Variants in CALN1 observed in about 807,000 individuals in gnomAD.
The protein encoded by CALN1 is calcium-binding protein 8.
A neutral mutation model predicts 30.6 loss-of-function variants in CALN1; 17 were observed. The ratio of observed to expected loss-of-function variants is 0.56; its 90% CI spans 0.38 to 0.83. The LOEUF is 0.83. Ranked by LOEUF, CALN1 falls within the 40% of genes least tolerant of loss-of-function variation. CALN1 has a pLI of 0.00. For missense variants in CALN1, 291 were observed against 354.9 expected (o/e 0.82, Z 1.45); for synonymous variants, 156 against 131.4 (o/e 1.19, Z -1.28).
intron 3 of CALN1, among the ~76,000 whole-genome samples, chr7:72,276,239 A>C (rs954862403): frequency 6.6e-6 from 1 of 152,176 alleles, no homozygotes; most frequent in Non-Finnish European, 1.5e-5. Context: ...GATCTACTCA[A>C]ATAAACACAA....
chr7:71,854,057 G>A (rs1376441676), intron 5 of CALN1, among the ~76,000 whole-genome samples: 2 of 152,144 alleles, frequency 1.3e-5, no homozygotes, highest in Non-Finnish European at 2.9e-5. Flanking sequence ...TTGTGTGTGT[G>A]TGTGTGTAGG....
chr7:71,954,833 T>TGG (rs1034472968), intron 5 of CALN1, among the ~76,000 whole-genome samples: 1 of 152,106 alleles, frequency 6.6e-6, no homozygotes, highest in Non-Finnish European at 1.5e-5. Flanking sequence ...GACTACTACC[T>TGG]GGGGGGTTGA....
intron 5 of CALN1, among the ~76,000 whole-genome samples, chr7:71,955,171 T>A (rs560851363): frequency 6.7e-6 from 1 of 149,988 alleles, no homozygotes; most frequent in African/African-American, 2.5e-5. Context: ...CAGGAGAGAG[T>A]GAGAACCAAG....
At chr7:71,883,507 G>C (rs1277142168) in intron 5 of CALN1, among the ~76,000 whole-genome samples, 2 of 152,102 alleles carry the variant, frequency 1.3e-5, no homozygotes, top group Non-Finnish European at 2.9e-5. Context: ...ATAATGAGCA[G>C]GAAGTAATAA....
At chr7:72,385,621 C>A (rs79912928) in intron 2 of CALN1, among the ~76,000 whole-genome samples, 10,397 of 152,162 alleles carry the variant, frequency 0.068, 636 homozygotes, top group East Asian at 0.35. Flanking sequence ...TGTCCCCACC[C>A]AATGCTCATC....
chr7:72,055,210 A>C (rs779450606), intron 4 of CALN1, among the ~76,000 whole-genome samples: 8 of 151,524 alleles, frequency 5.3e-5, no homozygotes, highest in African/African-American at 1.5e-4. Context: ...CTTATGCTCA[A>C]TTTGCATGGG....
intron 2 of CALN1, chr7:72,337,160 C>A (rs1802120051): frequency 1.0e-6 from 1 of 985,276 alleles, no homozygotes; most frequent in African/African-American, 1.7e-5. Context: ...GCCCTAGAAA[C>A]TCCATGCAGC....
intron 3 of CALN1, among the ~76,000 whole-genome samples, chr7:72,133,030 T>C (rs1859484): frequency 0.76 from 115,710 of 152,002 alleles, 44,512 homozygotes; most frequent in East Asian, 0.97. Flanking sequence ...AATCTAATGC[T>C]TGATGATCTG....
intron 2 of CALN1, among the ~76,000 whole-genome samples, chr7:72,375,056 G>T (rs558811284): frequency 6.6e-6 from 1 of 152,084 alleles, no homozygotes; most frequent in Non-Finnish European, 1.5e-5. Flanking sequence ...TGGAAAAAAA[G>T]ATTGTCTTTA....
chr7:72,397,738 A>G (rs1806068007), intron 2 of CALN1, among the ~76,000 whole-genome samples: 1 of 151,500 alleles, frequency 6.6e-6, no homozygotes, highest in Admixed American at 6.6e-5. Context: ...ACACACACAC[A>G]CACACACACA....
At chr7:71,842,903 A>C (rs924521470) in intron 5 of CALN1, among the ~76,000 whole-genome samples, 2 of 152,178 alleles carry the variant, frequency 1.3e-5, no homozygotes, top group African/African-American at 4.8e-5. Context: ...TTTTATCCTA[A>C]CAATACTCTA....
chr7:72,091,584 G>A (rs1805865981), intron 4 of CALN1, among the ~76,000 whole-genome samples: 1 of 152,136 alleles, frequency 6.6e-6, no homozygotes, highest in Non-Finnish European at 1.5e-5. Context: ...ATAATTAAGG[G>A]AAATGAGGAA....
At chr7:71,881,254 G>A (rs1054497209) in intron 5 of CALN1, among the ~76,000 whole-genome samples, 1 of 151,856 alleles carries the variant, frequency 6.6e-6, no homozygotes, top group Non-Finnish European at 1.5e-5. Flanking sequence ...GAGGTTTTGG[G>A]ACTGGGACTG....
At chr7:72,054,605 T>C (rs979854665) in intron 4 of CALN1, among the ~76,000 whole-genome samples, 2 of 150,080 alleles carry the variant, frequency 1.3e-5, no homozygotes, top group African/African-American at 4.9e-5. Flanking sequence ...ATCATGTCTT[T>C]TGCAGGAACA....
At chr7:72,220,887 GTTGT>G (rs1192190578) in intron 3 of CALN1, among the ~76,000 whole-genome samples, 26 of 152,254 alleles carry the variant, frequency 1.7e-4, no homozygotes, top group Admixed American at 3.9e-4. Flanking sequence ...TTTTGATGGG[GTTGT>G]TTGTTTTTTT....
At chr7:72,494,206 G>T in the CALN1 span, among the ~76,000 whole-genome samples, 2 of 152,092 alleles carry the variant, frequency 1.3e-5, no homozygotes, top group Non-Finnish European at 2.9e-5. Context: ...TCTGAGCCCC[G>T]TGGAACTTGG....
intron 5 of CALN1, among the ~76,000 whole-genome samples, chr7:71,971,553 T>C (rs1304296694): frequency 2.0e-5 from 3 of 152,232 alleles, no homozygotes; most frequent in African/African-American, 4.8e-5. Flanking sequence ...TCTCATTTGA[T>C]TGTCACATCT....
chr7:72,399,711 G>A (rs1806211376), intron 2 of CALN1, among the ~76,000 whole-genome samples: 2 of 152,130 alleles, frequency 1.3e-5, no homozygotes, highest in African/African-American at 2.4e-5. Context: ...CCAAGAATAA[G>A]ACATACATCT....
intron 2 of CALN1, among the ~76,000 whole-genome samples, chr7:72,384,392 G>C (rs945801699): frequency 6.6e-6 from 1 of 152,112 alleles, no homozygotes; most frequent in African/African-American, 2.4e-5. Flanking sequence ...ACAAAGAAAT[G>C]AACCTTTAAA....
Sources: allele counts gnomAD v4.1 joint callset (sites outside exome capture counted in the v4.1 genomes callset), GRCh38; gene constraint gnomAD v4.1.1; transcripts MANE v1.5; gene names NCBI Gene and HGNC (gene_info 2026-07-23, HGNC 2026-07-21).